Variants in RPS6KC1 observed in about 807,000 individuals in gnomAD.
RPS6KC1 encodes inactive ribosomal protein S6 kinase delta-1.
In RPS6KC1, 54 loss-of-function variants were observed where a neutral mutation model predicts 103.8. The ratio of observed to expected loss-of-function variants is 0.52; its 90% CI spans 0.42 to 0.65. The LOEUF is 0.65. Among genes scored for constraint, RPS6KC1 ranks in the 30% least tolerant of loss-of-function variants. The probability of loss-of-function intolerance (pLI) is 0.00; values close to 1 mark genes in which losing one functional copy is unlikely to be tolerated. For missense variants in RPS6KC1, 1,151 were observed against 1,253.8 expected, an observed-to-expected ratio of 0.92 and a Z score of 1.24; for synonymous variants, 439 against 438.7, an observed-to-expected ratio of 1.00 and a Z score of -0.01.
At chr1:213,714,218 C>G in the RPS6KC1 span, among the ~76,000 whole-genome samples, 2 of 152,178 alleles carry the variant, frequency 1.3e-5, no homozygotes, top group Non-Finnish European at 2.9e-5. Flanking sequence ...GGCCAACTGA[C>G]TTAATGTGTG....
chr1:213,475,427 TG>T, the RPS6KC1 span, among the ~76,000 whole-genome samples: 23 of 152,208 alleles, frequency 1.5e-4, no homozygotes, highest in Admixed American at 5.9e-4. Context: ...ATCTATAGCT[TG>T]GGTGCGTGCT....
chr1:213,626,223 G>T, the RPS6KC1 span, among the ~76,000 whole-genome samples: 62 of 152,168 alleles, frequency 4.1e-4, no homozygotes, highest in African/African-American at 1.4e-3. Flanking sequence ...CCTTATAAAT[G>T]TCTTCTTTGG....
At chr1:213,354,070 T>C in the RPS6KC1 span, among the ~76,000 whole-genome samples, 1 of 152,200 alleles carries the variant, frequency 6.6e-6, no homozygotes, top group Non-Finnish European at 1.5e-5. Flanking sequence ...AGAATGTGTC[T>C]AGCATATGGG....
At chr1:213,268,771 A>G (rs2094971329) in intron 14 of RPS6KC1, among the ~76,000 whole-genome samples, 1 of 151,690 alleles carries the variant, frequency 6.6e-6, no homozygotes. Context: ...TTTGAAGTAG[A>G]TAAATGATCT....
intron 7 of RPS6KC1, among the ~76,000 whole-genome samples, chr1:213,169,872 C>G (rs1255823981): frequency 4.7e-5 from 7 of 149,600 alleles, no homozygotes; most frequent in Admixed American, 2.7e-4. Context: ...ACCTCCGCTT[C>G]CCGGGTTCAG....
At chr1:213,424,187 T>C in the RPS6KC1 span, among the ~76,000 whole-genome samples, 2 of 152,214 alleles carry the variant, frequency 1.3e-5, no homozygotes, top group East Asian at 1.9e-4. Flanking sequence ...AAACCTCTTA[T>C]CTGATCTGAA....
chr1:213,059,282 G>T (rs1463844811), intron 1 of RPS6KC1, among the ~76,000 whole-genome samples: 2 of 152,130 alleles, frequency 1.3e-5, no homozygotes, highest in Non-Finnish European at 2.9e-5. Flanking sequence ...AATCTGTGTT[G>T]TCTGCCAAAA....
At chr1:213,172,006 G>T (rs942352131) in intron 7 of RPS6KC1, among the ~76,000 whole-genome samples, 1 of 152,088 alleles carries the variant, frequency 6.6e-6, no homozygotes, top group African/African-American at 2.4e-5. Flanking sequence ...CCGCAGTAAT[G>T]GTTACTCTCT....
chr1:213,054,341 T>A (rs946038725), intron 1 of RPS6KC1, among the ~76,000 whole-genome samples: 12 of 152,240 alleles, frequency 7.9e-5, no homozygotes, highest in African/African-American at 1.7e-4. Flanking sequence ...CATTTATTGC[T>A]TATGTTACAG....
the RPS6KC1 span, chr1:213,818,265 C>T: frequency 6.6e-6 from 1 of 152,192 alleles, no homozygotes; most frequent in African/African-American, 2.4e-5. Flanking sequence ...GTGAGGAAGG[C>T]AAGTCAAAAG....
At chr1:213,656,198 G>A in the RPS6KC1 span, among the ~76,000 whole-genome samples, 1 of 152,276 alleles carries the variant, frequency 6.6e-6, no homozygotes, top group East Asian at 1.9e-4. Context: ...AATCATATGT[G>A]CAGCCAGGCT....
the RPS6KC1 span, among the ~76,000 whole-genome samples, chr1:213,781,014 T>C: frequency 1.3e-5 from 2 of 152,030 alleles, no homozygotes; most frequent in Non-Finnish European, 2.9e-5. Flanking sequence ...CAGAGCGAGA[T>C]TCTGTCTTAA....
the RPS6KC1 span, among the ~76,000 whole-genome samples, chr1:213,769,517 C>CACAGAGAG: frequency 6.7e-6 from 1 of 148,488 alleles, no homozygotes; most frequent in Admixed American, 6.7e-5. Flanking sequence ...GAGAGATGGA[C>CACAGAGAG]AGAGAGAGAG....
the RPS6KC1 span, among the ~76,000 whole-genome samples, chr1:213,710,048 A>G: frequency 9.8e-4 from 150 of 152,302 alleles, no homozygotes; most frequent in African/African-American, 3.4e-3. Context: ...CTTGGTCCAG[A>G]ACTGAGTTCA....
chr1:213,214,463 G>A (rs891984138), intron 8 of RPS6KC1, among the ~76,000 whole-genome samples: 7 of 152,308 alleles, frequency 4.6e-5, no homozygotes, highest in African/African-American at 9.6e-5. Flanking sequence ...GGGCATAGCC[G>A]AACAAAAGGC....
At chr1:213,282,453 C>T in the RPS6KC1 span, among the ~76,000 whole-genome samples, 1 of 152,236 alleles carries the variant, frequency 6.6e-6, no homozygotes, top group Admixed American at 6.5e-5. Flanking sequence ...AATCCTGCTC[C>T]TCAGAGGCGC....
At chr1:213,063,725 C>T (rs2078046450) in intron 1 of RPS6KC1, among the ~76,000 whole-genome samples, 1 of 152,096 alleles carries the variant, frequency 6.6e-6, no homozygotes, top group East Asian at 1.9e-4. Flanking sequence ...TGGGGATTTA[C>T]TAGGCATATT....
chr1:213,852,828 A>G, the RPS6KC1 span, among the ~76,000 whole-genome samples: 1 of 152,212 alleles, frequency 6.6e-6, no homozygotes, highest in East Asian at 1.9e-4. Context: ...ACAGAGAAAG[A>G]ATATCTAATT....
intron 14 of RPS6KC1, 22 bp from the exon 15 acceptor site, chr1:213,272,502 C>T: frequency 6.3e-7 from 1 of 1,574,910 alleles, no homozygotes. Context: ...TCCTGTTACT[C>T]ACTAAGTCCG....
Sources: gnomAD v4.1 joint callset for allele counts (sites outside exome capture counted in the v4.1 genomes callset) on GRCh38, gnomAD v4.1.1 for gene constraint, MANE v1.5 for transcripts, NCBI Gene and HGNC (gene_info 2026-07-23, HGNC 2026-07-21) for gene names.